Variants in TERB2 observed in about 807,000 individuals in gnomAD.
The protein encoded by TERB2 is telomere repeats-binding bouquet formation protein 2.
In TERB2, 26 loss-of-function variants were observed where a neutral mutation model predicts 29.8. The ratio of observed to expected loss-of-function variants is 0.87; its 90% CI spans 0.64 to 1.21. The LOEUF (loss-of-function observed/expected upper bound fraction) is 1.21, where lower values mean the gene tolerates loss of function less well. Among genes scored for constraint, TERB2 ranks in the 50% most tolerant of loss-of-function variants. TERB2 has a pLI of 0.00. For synonymous variants in TERB2, 80 were observed against 90.8 expected, an observed-to-expected ratio of 0.88 and a Z score of 0.68; for missense variants, 240 against 268.6, an observed-to-expected ratio of 0.89 and a Z score of 0.74.
At chr15:44,966,281 T>A (rs372123246) in intron 5 of TERB2, 38 bp downstream of exon 5, 43 of 1,306,600 alleles carry the variant, frequency 3.3e-5, no homozygotes, top group Non-Finnish European at 4.4e-5. Flanking sequence ...TTCAATTCAA[T>A]GTAGAAATCT....
chr15:44,978,489 G>A lies in TERB2; in HGVS notation c.524G>A (p.Gly175Asp), dbSNP rs540391667. The A allele has an allele frequency of 1.9e-6, 3 of 1,596,474 alleles. No homozygotes were observed. The highest frequency in any genetic ancestry group is 3.5e-5 in the Admixed American group (2 of 57,532). The change falls in exon 7 of 7, where the codon GGT becomes GAT. Residue 175 changes from glycine to aspartate, a missense_variant and splice_region_variant. Physicochemically the swap from Gly to Asp is moderately conservative, Grantham distance 94. Coordinates refer to ENST00000340827, the MANE Select transcript of TERB2 (RefSeq NM_152448.3). ...TCTTTTTTTAAATTTTATTTTGTAG[G>A]TTATATATCAATTGATGCCATGAAG... ...QNYPVNNMVT[G>D]YISIDAMKKF... is the part of the protein sequence containing the mutation.
chr15:44,966,798 C>T (rs1295136085), intron 5 of TERB2, among the ~76,000 whole-genome samples: 1 of 152,068 alleles, frequency 6.6e-6, no homozygotes, highest in African/African-American at 2.4e-5. Flanking sequence ...TAATATATTA[C>T]GTTGGTTTAA....
intron 4 of TERB2, 81 bp downstream of exon 4, chr15:44,961,665 T>G: frequency 1.1e-6 from 1 of 950,664 alleles, no homozygotes. Flanking sequence ...AAATGTTTAT[T>G]TGTGACATGT....
At chr15:44,973,104 C>G (rs1891994757) in intron 5 of TERB2, among the ~76,000 whole-genome samples, 1 of 152,110 alleles carries the variant, frequency 6.6e-6, no homozygotes, top group South Asian at 2.1e-4. Flanking sequence ...TGGTCTCGAA[C>G]TCCTGACCTC....
chr15:44,964,314 G>C (rs11632442), intron 4 of TERB2, among the ~76,000 whole-genome samples: 2,372 of 151,696 alleles, frequency 0.016, 21 homozygotes, highest in Middle Eastern at 0.034. Flanking sequence ...TCTTCCCAAG[G>C]CATCATCATC....
intron 6 of TERB2, 23 bp from the exon 7 acceptor site, chr15:44,978,465 CT>C (rs982375770): frequency 5.8e-6 from 9 of 1,564,288 alleles, no homozygotes; most frequent in South Asian, 1.3e-5. Context: ...AAGTATATAT[CT>C]TTTTTTAAAT....
At chr15:44,965,580 C>A (rs1435890416) in intron 4 of TERB2, among the ~76,000 whole-genome samples, 3 of 137,474 alleles carry the variant, frequency 2.2e-5, no homozygotes, top group Admixed American at 1.5e-4. Flanking sequence ...TTATATAAAT[C>A]TATATATCAT....
At chr15:44,963,804 CTTTTTTTTTTT>C (rs34438861) in intron 4 of TERB2, among the ~76,000 whole-genome samples, 1 of 79,166 alleles carries the variant, frequency 1.3e-5, no homozygotes, top group Non-Finnish European at 2.3e-5. Flanking sequence ...TTATACTATT[CTTTTTTTTTTT>C]TTTTTTTTTT....
intron 5 of TERB2, among the ~76,000 whole-genome samples, chr15:44,971,611 C>G (rs1242577538): frequency 1.2e-4 from 18 of 151,920 alleles, no homozygotes; most frequent in Admixed American, 6.6e-5. Flanking sequence ...AAAAATTAGC[C>G]AGGTGTGGTG....
At position 44,965,162 on chromosome 15, in the gene TERB2, C is replaced by CAAA. The variant is rs66756472; in HGVS notation, c.349-972_349-970dup. 4.5e-4 allele frequency among the ~76,000 whole-genome samples: 22 copies of CAAA among 48,782 alleles called. 1 individual carries two copies. The highest frequency in any genetic ancestry group is 1.3e-3 in the Admixed American group (3 of 2,292). 32.0% of individuals were successfully genotyped at this position (48,782 alleles called of 152,430 possible). A position where few individuals can be genotyped will look rare whatever the true frequency, so the allele number is the denominator to read the frequency against. On this transcript the variant is annotated intron_variant, in intron 4 of 6. Transcript: ENST00000340827. Reference sequence around the variant, plus strand: ...TGGGTGACAGAGCAAGACTCTGTCTCAAAAAAAAAAAAAAAAAAAAAAAAA... The same window carrying CAAA: ...TGGGTGACAGAGCAAGACTCTGTCTCAAAAAAAAAAAAAAAAAAAAAAAAAAAA...
At chr15:44,973,691 A>G (rs1414826053) in intron 5 of TERB2, 176 bp from the exon 6 acceptor site, 6 of 383,476 alleles carry the variant, frequency 1.6e-5, no homozygotes, top group Non-Finnish European at 2.2e-5. Context: ...ATTGCCTGGA[A>G]TAAGTTCTTA....
At chr15:44,961,425 A>G in intron 3 of TERB2, 98 bp from the exon 4 acceptor site, 1 of 786,864 alleles carries the variant, frequency 1.3e-6, no homozygotes, top group South Asian at 1.6e-5. Flanking sequence ...TTGCAAATAG[A>G]ATAACACTGG....
intron 2 of TERB2, among the ~76,000 whole-genome samples, chr15:44,957,965 C>T (rs567903053): frequency 9.2e-5 from 14 of 152,004 alleles, no homozygotes; most frequent in Admixed American, 6.5e-4. Flanking sequence ...CTTATCTCCA[C>T]CTATAGAAAA....
Position 44,978,553 on chromosome 15 carries a change from C to A in TERB2, c.588C>A (p.Thr196=), listed in dbSNP as rs776096362. 1.1e-5 allele frequency: 17 copies of A among 1,609,418 alleles called. No individual in the cohort carries two copies. Among genetic ancestry groups the A allele is most frequent in the South Asian group, 6.7e-5 (6 of 90,104 alleles). The part of the protein sequence containing the change: ...LGELHDFIPG[T]SGYLAYHVQN... ...AGCTACATGACTTCATTCCTGGAAC[C>A]TCAGGATATTTGGCATATCATGTTC... Residue 196 remains threonine (T), a synonymous_variant, in exon 7 of 7, where the codon ACC becomes ACA. Transcript: ENST00000340827.
In TERB2 at chr15:44,978,646, A is replaced by G. The variant is rs751377363; in HGVS notation, c.*18A>G. ...GGAAATAGTAAATTAAATTGTAAAT[A>G]CCTTGGCATTTATTTTCTATAAAAT... On this transcript the variant is annotated 3_prime_UTR_variant, in exon 7 of 7. Transcript: ENST00000340827. 3.1e-5 allele frequency: 48 copies of G among 1,565,938 alleles called. No homozygotes were observed. The highest frequency in any genetic ancestry group is 1.7e-6 in the Non-Finnish European group (2 of 1,156,948).
chr15:44,958,548 A>G, intron 3 of TERB2, 36 bp downstream of exon 3: 1 of 1,550,196 alleles, frequency 6.5e-7, no homozygotes, highest in Non-Finnish European at 8.8e-7. Flanking sequence ...CCTGTCAGAC[A>G]GCCAAATCCA....
intron 3 of TERB2, among the ~76,000 whole-genome samples, chr15:44,960,365 G>A (rs1891781494): frequency 6.6e-6 from 1 of 152,134 alleles, no homozygotes; most frequent in Non-Finnish European, 1.5e-5. Context: ...ATAACTGGGT[G>A]AGGTGGCATG....
intron 5 of TERB2, 102 bp downstream of exon 5, chr15:44,966,345 A>G (rs1486243161): frequency 1.8e-6 from 1 of 562,186 alleles, no homozygotes; most frequent in Non-Finnish European, 2.8e-6. Context: ...CCTATGAGAT[A>G]GATAGCATTA....
chr15:44,978,458 T>C (rs879707992), intron 6 of TERB2, 31 bp from the exon 7 acceptor site: 2 of 1,563,098 alleles, frequency 1.3e-6, no homozygotes, highest in Non-Finnish European at 1.7e-6. Flanking sequence ...GGGTTTTAAG[T>C]ATATATCTTT....
Sources: allele counts gnomAD v4.1 joint callset (sites outside exome capture counted in the v4.1 genomes callset), GRCh38; gene constraint gnomAD v4.1.1; transcripts MANE v1.5; gene names NCBI Gene and HGNC (gene_info 2026-07-23, HGNC 2026-07-21).